The following SIN3B variants were observed in gnomAD, a reference collection of about 807,000 sequenced individuals.
SIN3B encodes paired amphipathic helix protein Sin3b.
Under a neutral mutation model 120.2 loss-of-function variants are expected in SIN3B, and 19 were observed. The observed-to-expected ratio is 0.16, with a 90% CI of 0.11 to 0.23. SIN3B has a LOEUF of 0.23. Among genes scored for constraint, SIN3B ranks in the 10% least tolerant of loss-of-function variants. The pLI, the probability that SIN3B is intolerant of heterozygous loss-of-function variation, is 1.00. For missense variants in SIN3B, 1,073 were observed against 1,573.0 expected (o/e 0.68, Z 5.38); for synonymous variants, 654 against 653.2 (o/e 1.00, Z -0.02).
At chr19:16,871,163 A>T in intron 13 of SIN3B, 66 bp from the exon 14 acceptor site, 3 of 1,596,626 alleles carry the variant, frequency 1.9e-6, no homozygotes, top group Non-Finnish European at 8.6e-7. Context: ...CTGTCATGCC[A>T]GAGTTTGGCC....
In SIN3B at chr19:16,862,277, G is replaced by A; in HGVS notation, c.1059-75G>A. The A allele has an allele frequency of 8.6e-7, 1 of 1,159,684 alleles. No homozygotes were observed. Among genetic ancestry groups the A allele is most frequent in the Non-Finnish European group, 1.3e-6 (1 of 789,716 alleles). 71.8% of individuals were successfully genotyped at this position (1,159,684 alleles called of 1,614,324 possible). A position where few individuals can be genotyped will look rare whatever the true frequency, so the allele number is the denominator to read the frequency against. On this transcript the variant is annotated intron_variant, in intron 8 of 18. Transcript: ENST00000248054. This position sits in a 1 kb window ranked among gnomAD's most constrained non-coding sequence, Gnocchi z 4.7. ...GTTTAACTTGTAATGTCCACATGAA[G>A]CCATTCTAAAATCTCCAGATCCCTC...
intron 8 of SIN3B, among the ~76,000 whole-genome samples, chr19:16,857,517 A>ATATGTGTGTGTGTG (rs1555742156): frequency 1.1e-5 from 1 of 93,372 alleles, no homozygotes; most frequent in Non-Finnish European, 2.3e-5. Flanking sequence ...TAAAAAAAAT[A>ATATGTGTGTGTGTG]TGTGTGTGTG....
At chr19:16,846,837 C>A in intron 4 of SIN3B, 133 bp from the exon 5 acceptor site, 1 of 949,104 alleles carries the variant, frequency 1.1e-6, no homozygotes, top group Non-Finnish European at 1.6e-6. Context: ...AGTGTGCAGA[C>A]AGGACCCTGC....
Position 16,878,746 on chromosome 19 carries a change from G to T in SIN3B, c.*19G>T. The T allele has an allele frequency of 1.3e-6, 2 of 1,572,490 alleles. No individual in the cohort carries two copies. Among genetic ancestry groups the T allele is most frequent in the East Asian group, 2.3e-5 (1 of 42,860 alleles). ...GCCCTGACCCGCCCTCATGGGCACC[G>T]GGCAGGCGCCTCACAGAGCACAGAC... On this transcript the variant is annotated 3_prime_UTR_variant, in exon 19 of 19. Coordinates refer to ENST00000248054, the MANE Select transcript of SIN3B (RefSeq NM_001297595.2).
chr19:16,842,405 CTTTT>C (rs764926291), intron 4 of SIN3B, among the ~76,000 whole-genome samples: 3 of 126,858 alleles, frequency 2.4e-5, no homozygotes, highest in South Asian at 2.5e-4. Flanking sequence ...GCCCAGCCAC[CTTTT>C]TTTTTTTTTT....
intron 3 of SIN3B, among the ~76,000 whole-genome samples, chr19:16,837,686 G>A (rs1971364954): frequency 6.6e-6 from 1 of 152,156 alleles, no homozygotes; most frequent in South Asian, 2.1e-4. Flanking sequence ...AGTGCCCTGA[G>A]TGATGGGGAC....
chr19:16,830,722 T>A (rs1412382691), intron 2 of SIN3B, among the ~76,000 whole-genome samples: 2 of 152,248 alleles, frequency 1.3e-5, no homozygotes, highest in South Asian at 2.1e-4. Flanking sequence ...TCTCCCCTCC[T>A]ATTTTTCTTA....
intron 4 of SIN3B, among the ~76,000 whole-genome samples, chr19:16,842,549 G>A (rs1971431532): frequency 6.6e-6 from 1 of 152,060 alleles, no homozygotes; most frequent in South Asian, 2.1e-4. Flanking sequence ...TGGGAGTACA[G>A]GTGTGTGTCA....
intron 8 of SIN3B, among the ~76,000 whole-genome samples, chr19:16,856,692 C>T (rs1324951078): frequency 5.9e-5 from 9 of 152,082 alleles, no homozygotes; most frequent in African/African-American, 2.2e-4. Context: ...CTGCCTCATC[C>T]TCCTGAGTAG....
At position 16,865,167 on chromosome 19, in the gene SIN3B, A is replaced by G. The variant is rs1971747269; in HGVS notation, c.1384-243A>G. 2.0e-5 allele frequency: 9 copies of G among 455,970 alleles called. No individual in the cohort carries two copies. In the East Asian group the frequency reaches 2.8e-4, roughly 14 times the overall value. The allele number at this position is 455,970 out of a possible 1,614,324, so 28.2% of individuals were successfully genotyped here. A position where few individuals can be genotyped will look rare whatever the true frequency, so the allele number is the denominator to read the frequency against. The stretch of plus-strand genomic sequence containing the variant: ...TAATTAGCCAGGCATGGTGGTGCAC[A>G]CCTATATTCCTAGCTACGTGGGAGG... On this transcript the variant is annotated intron_variant, in intron 10 of 18. Transcript: ENST00000248054.
rs545396934 is a variant in SIN3B, at chr19:16,831,041, A to T, written c.228-453A>T. ...CCAGTCAGGAGATAGGTCATGGTGT[A>T]CAGATGCTATCACATGGGGGCACTT... On this transcript the variant is annotated intron_variant, in intron 2 of 18. Coordinates refer to ENST00000248054, the MANE Select transcript of SIN3B (RefSeq NM_001297595.2). Among the ~76,000 whole-genome samples, 45 of 150,962 alleles carry T rather than the reference A, an allele frequency of 3.0e-4. 1 individual carries two copies. The highest frequency in any genetic ancestry group is 5.9e-5 in the Non-Finnish European group (4 of 67,884).
chr19:16,853,959 C>T (rs1971579282), intron 7 of SIN3B, among the ~76,000 whole-genome samples, 184 bp from the exon 8 acceptor site: 1 of 151,354 alleles, frequency 6.6e-6, no homozygotes, highest in Non-Finnish European at 1.5e-5. Context: ...GGATCACCTG[C>T]ACAGGCCGTG....
intron 13 of SIN3B, among the ~76,000 whole-genome samples, chr19:16,870,387 C>CT (rs397859319): frequency 0.016 from 2,283 of 142,152 alleles, 60 homozygotes; most frequent in African/African-American, 0.055. Context: ...CTTTTTCTTT[C>CT]TTTTTTTTTT....
intron 10 of SIN3B, 59 bp downstream of exon 10, chr19:16,863,855 A>T (rs1971723785): frequency 3.3e-6 from 4 of 1,211,394 alleles, no homozygotes; most frequent in African/African-American, 1.5e-5. Flanking sequence ...TCTCCATGGG[A>T]CATGCATCCT....
At position 16,878,528 on chromosome 19, in the gene SIN3B, A is replaced by G. The variant is rs773347645; in HGVS notation, c.3194A>G (p.Gln1065Arg). 7 of 1,593,188 alleles carry G rather than the reference A, an allele frequency of 4.4e-6. No individual in the cohort carries two copies. Among genetic ancestry groups the G allele is most frequent in the Non-Finnish European group, 5.1e-6 (6 of 1,170,384 alleles). The change falls in exon 19 of 19, where the codon CAG (glutamine) becomes CGG (arginine). Residue 1065 changes from glutamine (Q) to arginine (R), a missense_variant. By Grantham distance (43) the Gln-to-Arg change is conservative (BLOSUM62 1). This residue lies in a region of SIN3B where 311 missense variants were observed against 400.3 expected (regional missense o/e 0.78). Transcript: ENST00000248054. ...CCCCTGGTCCTGCTCCGCCACCACC[A>G]GCACTTTGAGGAGTGGCACAGCCGC... ...VQPLVLLRHH[Q>R]HFEEWHSRWL...
At chr19:16,864,908 C>T (rs1422746647) in intron 10 of SIN3B, among the ~76,000 whole-genome samples, 1 of 151,494 alleles carries the variant, frequency 6.6e-6, no homozygotes, top group Non-Finnish European at 1.5e-5. Context: ...GATCTTGGCT[C>T]ACTGCAACCT....
At chr19:16,868,970 C>A (rs1275741670) in intron 12 of SIN3B, among the ~76,000 whole-genome samples, 1 of 152,120 alleles carries the variant, frequency 6.6e-6, no homozygotes, top group African/African-American at 2.4e-5. Flanking sequence ...GAGGTCACGG[C>A]TCACCCTTTG....
chr19:16,864,837 ATTTTT>A (rs1179728493), intron 10 of SIN3B, among the ~76,000 whole-genome samples: 1 of 142,144 alleles, frequency 7.0e-6, no homozygotes, highest in Non-Finnish European at 1.5e-5. Context: ...CAAAAAAAAA[ATTTTT>A]TTTTTTTTTT....
At chr19:16,833,004 C>T (rs1361389059) in intron 3 of SIN3B, among the ~76,000 whole-genome samples, 2 of 152,166 alleles carry the variant, frequency 1.3e-5, no homozygotes, top group East Asian at 1.9e-4. Flanking sequence ...GGATCTGTAG[C>T]GTGTACCTAC....
Sources: allele counts gnomAD v4.1 joint callset (sites outside exome capture counted in the v4.1 genomes callset), GRCh38; gene constraint gnomAD v4.1.1; regional missense constraint gnomAD v4.1.1; non-coding constraint Gnocchi (gnomAD v3.1); transcripts MANE v1.5; gene names NCBI Gene and HGNC (gene_info 2026-07-23, HGNC 2026-07-21).